The following OXSR1 variants were observed in gnomAD, a reference collection of about 807,000 sequenced individuals.
OXSR1 encodes oxidative stress responsive kinase 1.
OXSR1 carries 24 observed loss-of-function variants against 79.8 expected under a neutral mutation model. The ratio of observed to expected loss-of-function variants is 0.30; its 90% CI spans 0.22 to 0.42. The LOEUF (loss-of-function observed/expected upper bound fraction) is 0.42. Among genes scored for constraint, OXSR1 ranks in the 10% least tolerant of loss-of-function variants. The pLI is 1.00. For synonymous variants in OXSR1, 226 were observed against 209.2 expected (o/e 1.08, Z -0.69); for missense variants, 430 against 618.4 (o/e 0.70, Z 3.23).
intron 17 of OXSR1, 126 bp from the exon 18 acceptor site, chr3:38,252,691 C>A: frequency 1.4e-6 from 1 of 719,150 alleles, no homozygotes; most frequent in Non-Finnish European, 2.4e-6. Flanking sequence ...CTTCGTCAGT[C>A]TCCTATTTGT....
At position 38,230,447 on chromosome 3, in the gene OXSR1, C is replaced by T. The variant is rs201787025; in HGVS notation, c.951+17C>T. 39 of 1,524,068 alleles carry T rather than the reference C, an allele frequency of 2.6e-5. No individual in the cohort carries two copies. The highest frequency in any genetic ancestry group is 3.4e-5 in the Non-Finnish European group (37 of 1,100,260). 94.4% of individuals were successfully genotyped at this position (1,524,068 alleles called of 1,614,324 possible). On this transcript the variant is annotated intron_variant, in intron 10 of 17. Coordinates refer to ENST00000311806, the MANE Select transcript of OXSR1 (RefSeq NM_005109.3). ...GCAAAAAAGGTAAATCAGAATTTAA[C>T]TCAGTTTTCCTGAAGAATTTACTTT... is the stretch of plus-strand genomic sequence containing the variant.
intron 3 of OXSR1, chr3:38,193,246 G>A: frequency 3.1e-6 from 4 of 1,287,784 alleles, no homozygotes; most frequent in Non-Finnish European, 4.1e-6. Context: ...GCTTTTCAGT[G>A]TAGCCAGAAT....
chr3:38,241,796 GTTGT>G (rs938562159), intron 11 of OXSR1, among the ~76,000 whole-genome samples: 53 of 148,678 alleles, frequency 3.6e-4, no homozygotes, highest in African/African-American at 1.3e-3. Context: ...TATTTACAAA[GTTGT>G]TTGTTTTTTT....
At chr3:38,206,477 T>C (rs2125825320) in intron 4 of OXSR1, among the ~76,000 whole-genome samples, 1 of 150,834 alleles carries the variant, frequency 6.6e-6, no homozygotes, top group Admixed American at 6.6e-5. Context: ...GAAATTGATA[T>C]GAATCCACTT....
intron 1 of OXSR1, among the ~76,000 whole-genome samples, chr3:38,169,953 T>C (rs1017685243): frequency 3.3e-5 from 5 of 151,636 alleles, no homozygotes; most frequent in Non-Finnish European, 7.4e-5. Flanking sequence ...TGGTCTCAAA[T>C]TCCTGATCGC....
chr3:38,165,510 G>T, upstream of OXSR1: 1 of 244,938 alleles, frequency 4.1e-6, no homozygotes, highest in Non-Finnish European at 7.9e-6. Context: ...GCTGCGTGTC[G>T]GCAGGTGGAG....
At chr3:38,186,878 A>C (rs1270811766) in intron 2 of OXSR1, among the ~76,000 whole-genome samples, 1 of 152,110 alleles carries the variant, frequency 6.6e-6, no homozygotes, top group Non-Finnish European at 1.5e-5. Context: ...TTTTTGAAAA[A>C]CTGCCAAGCT....
intron 10 of OXSR1, among the ~76,000 whole-genome samples, chr3:38,232,373 G>C (rs1325350606): frequency 6.6e-6 from 1 of 152,128 alleles, no homozygotes; most frequent in African/African-American, 2.4e-5. Context: ...AGTCAACTGT[G>C]ATCATACCAC....
At chr3:38,195,034 G>A (rs1453791853) in intron 3 of OXSR1, among the ~76,000 whole-genome samples, 1 of 152,156 alleles carries the variant, frequency 6.6e-6, no homozygotes, top group Non-Finnish European at 1.5e-5. Context: ...CATTATAACT[G>A]TAATATTCCT....
chr3:38,230,577 C>G, intron 10 of OXSR1, 147 bp downstream of exon 10: 1 of 610,702 alleles, frequency 1.6e-6, no homozygotes, highest in Non-Finnish European at 3.0e-6. Context: ...TACATTCATT[C>G]AGCAAATATC....
chr3:38,164,185 G>A (rs1396092500), upstream of OXSR1, among the ~76,000 whole-genome samples: 2 of 152,140 alleles, frequency 1.3e-5, no homozygotes, highest in African/African-American at 2.4e-5. Context: ...CTTTTTCTGA[G>A]ACGGTGTCTC....
intron 1 of OXSR1, among the ~76,000 whole-genome samples, chr3:38,168,557 G>A (rs1428877510): frequency 6.6e-6 from 1 of 152,122 alleles, no homozygotes; most frequent in Non-Finnish European, 1.5e-5. Flanking sequence ...TGATTAAAAT[G>A]TACAATTCAA....
At chr3:38,233,827 G>A (rs1416900722) in intron 10 of OXSR1, among the ~76,000 whole-genome samples, 8 of 151,982 alleles carry the variant, frequency 5.3e-5, no homozygotes, top group Non-Finnish European at 8.8e-5. Flanking sequence ...CAGGAGGATC[G>A]CTTGAGCCCA....
chr3:38,241,702 C>T (rs953176609), intron 11 of OXSR1, among the ~76,000 whole-genome samples: 1 of 151,148 alleles, frequency 6.6e-6, no homozygotes, highest in African/African-American at 2.4e-5. Flanking sequence ...TACTTACGTT[C>T]TTGTATTGTT....
At chr3:38,202,173 G>A (rs985137653) in intron 4 of OXSR1, among the ~76,000 whole-genome samples, 1 of 152,144 alleles carries the variant, frequency 6.6e-6, no homozygotes, top group East Asian at 1.9e-4. Context: ...GTGATAATAA[G>A]ATAAAAAACT....
intron 1 of OXSR1, among the ~76,000 whole-genome samples, chr3:38,176,643 G>T (rs1351716985): frequency 6.6e-6 from 1 of 152,194 alleles, no homozygotes; most frequent in Non-Finnish European, 1.5e-5. Flanking sequence ...TTTTATCAAT[G>T]GGTGTGGGAA....
rs527891457 is a variant in OXSR1, at chr3:38,202,342, G to A, written c.434+3479G>A. ...AATGAACAACAAAGAGAGAGAGAAA[G>A]TATAATATTAAAGCTGGATGGCATG... is the stretch of plus-strand genomic sequence containing the variant. On this transcript the variant is annotated intron_variant, in intron 4 of 17. Transcript: ENST00000311806. Among the ~76,000 whole-genome samples, 29 of 152,262 alleles carry A rather than the reference G, an allele frequency of 1.9e-4. No individual in the cohort carries two copies. The East Asian group carries it at 5.6e-3, about 29-fold the overall frequency.
At chr3:38,239,089 G>A (rs1249758499) in intron 11 of OXSR1, among the ~76,000 whole-genome samples, 3 of 151,938 alleles carry the variant, frequency 2.0e-5, no homozygotes, top group Non-Finnish European at 4.4e-5. Context: ...TTCATCTCAG[G>A]CATTGTAGTA....
chr3:38,194,801 C>A (rs1461254763), intron 3 of OXSR1, among the ~76,000 whole-genome samples: 1 of 152,140 alleles, frequency 6.6e-6, no homozygotes, highest in African/African-American at 2.4e-5. Flanking sequence ...CCAGAGTTAA[C>A]AGAAATATGT....
Sources: allele counts gnomAD v4.1 joint callset (sites outside exome capture counted in the v4.1 genomes callset), GRCh38; gene constraint gnomAD v4.1.1; transcripts MANE v1.5; gene names NCBI Gene and HGNC (gene_info 2026-07-23, HGNC 2026-07-21).